The following VNN1 variants were observed in gnomAD, a reference collection of about 807,000 sequenced individuals.
VNN1 encodes the protein pantetheinase.
In VNN1, 29 loss-of-function variants were observed where a neutral mutation model predicts 41.9. The ratio of observed to expected loss-of-function variants is 0.69; its 90% CI spans 0.52 to 0.94. The LOEUF (loss-of-function observed/expected upper bound fraction) is 0.94, where lower values mean the gene tolerates loss of function less well. Among genes scored for constraint, VNN1 ranks in the 40% least tolerant of loss-of-function variants. The pLI is 0.00. For missense variants in VNN1, 637 were observed against 621.1 expected, an observed-to-expected ratio of 1.03 and a Z score of -0.27; for synonymous variants, 233 against 224.4, an observed-to-expected ratio of 1.04 and a Z score of -0.34.
At chr6:132,687,567 CT>C (rs1264188793) in intron 5 of VNN1, among the ~76,000 whole-genome samples, 1 of 152,176 alleles carries the variant, frequency 6.6e-6, no homozygotes, top group East Asian at 1.9e-4. Flanking sequence ...ACAGCGTTGA[CT>C]ACAACAGAAC....
chr6:132,686,194 C>T (rs1229972757), intron 5 of VNN1, among the ~76,000 whole-genome samples: 1 of 152,206 alleles, frequency 6.6e-6, no homozygotes, highest in African/African-American at 2.4e-5. Context: ...CACCTGTAAT[C>T]CCAGCACTTT....
chr6:132,713,934 C>T lies in VNN1; in HGVS notation c.102G>A (p.Ala34=), dbSNP rs369776512. The T allele has an allele frequency of 8.1e-6, 13 of 1,614,148 alleles. No homozygotes were observed. Among genetic ancestry groups the T allele is most frequent in the Middle Eastern group, 1.7e-4 (1 of 6,034 alleles). ...TFTAAVYEHA[A]ILPNATLTPV... ...GTGTTAGGGTGGCATTGGGCAATAT[C>T]GCTGCATGCTCATAAACAGCTGCAG... The change falls in exon 1 of 7, where the codon GCG becomes GCA. Residue 34 remains alanine (A), a synonymous_variant. Transcript: ENST00000367928.
At position 132,681,638 on chromosome 6, in the gene VNN1, T is replaced by C. The variant is rs1407987851; in HGVS notation, c.*1502A>G. ...CAAGCCTATCACCAACACATCAATATGTTTTCTGTTTTACATTGAAATTAT... is the reference window on the plus strand; with the variant it reads ...CAAGCCTATCACCAACACATCAATACGTTTTCTGTTTTACATTGAAATTAT... On this transcript the variant is annotated 3_prime_UTR_variant, in exon 7 of 7. Coordinates refer to ENST00000367928, the MANE Select transcript of VNN1 (RefSeq NM_004666.3). 1 of 152,588 alleles carries C rather than the reference T, an allele frequency of 6.6e-6. No homozygotes were observed. Among genetic ancestry groups the C allele is most frequent in the East Asian group, 1.9e-4 (1 of 5,202 alleles). The allele number at this position is 152,588 out of a possible 1,614,324, so 9.5% of individuals were successfully genotyped here.
At chr6:132,705,097 A>C (rs1373953237) in intron 2 of VNN1, among the ~76,000 whole-genome samples, 4 of 152,114 alleles carry the variant, frequency 2.6e-5, no homozygotes, top group Non-Finnish European at 5.9e-5. Context: ...AATTTTACCA[A>C]ACAATTAAAG....
At chr6:132,695,512 C>G (rs574838535) in intron 2 of VNN1, among the ~76,000 whole-genome samples, 2 of 152,260 alleles carry the variant, frequency 1.3e-5, no homozygotes, top group Admixed American at 1.3e-4. Flanking sequence ...GCATTCTGAT[C>G]ACTAATTGTT....
intron 6 of VNN1, 98 bp downstream of exon 6, chr6:132,684,237 G>A (rs768476702): frequency 1.8e-4 from 234 of 1,275,054 alleles, no homozygotes; most frequent in Non-Finnish European, 2.4e-4. Flanking sequence ...CTTTCTAAAT[G>A]GAAATTTTAT....
chr6:132,693,628 G>T (rs957896190), intron 3 of VNN1, among the ~76,000 whole-genome samples: 1 of 152,168 alleles, frequency 6.6e-6, no homozygotes, highest in Non-Finnish European at 1.5e-5. Flanking sequence ...AAGGAACTTT[G>T]TTTGTTCCAT....
intron 3 of VNN1, among the ~76,000 whole-genome samples, 153 bp from the exon 4 acceptor site, chr6:132,693,468 G>A (rs1023114905): frequency 2.6e-5 from 4 of 152,162 alleles, no homozygotes; most frequent in African/African-American, 9.7e-5. Flanking sequence ...GAGAATCAGA[G>A]GCCATTCTAG....
intron 6 of VNN1, among the ~76,000 whole-genome samples, chr6:132,683,804 A>C (rs1778165454): frequency 6.6e-6 from 1 of 152,234 alleles, no homozygotes; most frequent in Admixed American, 6.5e-5. Context: ...ACTTGCAGGA[A>C]GTCAGCGAAA....
chr6:132,690,231 C>T (rs1346733809), intron 5 of VNN1, among the ~76,000 whole-genome samples: 1 of 152,152 alleles, frequency 6.6e-6, no homozygotes, highest in Non-Finnish European at 1.5e-5. Flanking sequence ...CTTCCACCAG[C>T]TGACCATCAC....
At chr6:132,710,746 C>T (rs1283928865) in intron 2 of VNN1, among the ~76,000 whole-genome samples, 1 of 152,136 alleles carries the variant, frequency 6.6e-6, no homozygotes, top group Admixed American at 6.5e-5. Context: ...TATATATGTG[C>T]CACATTTTCT....
intron 6 of VNN1, among the ~76,000 whole-genome samples, chr6:132,683,651 A>G (rs922139445): frequency 6.6e-6 from 1 of 152,176 alleles, no homozygotes; most frequent in Non-Finnish European, 1.5e-5. Flanking sequence ...ACTCCCCACA[A>G]TGGCCCGAAG....
At chr6:132,696,391 A>T (rs1778372221) in intron 2 of VNN1, among the ~76,000 whole-genome samples, 1 of 152,226 alleles carries the variant, frequency 6.6e-6, no homozygotes, top group Non-Finnish European at 1.5e-5. Context: ...AAGAGAGATT[A>T]TTTGAAGAAA....
At chr6:132,704,017 A>C (rs1450574790) in intron 2 of VNN1, among the ~76,000 whole-genome samples, 1 of 152,164 alleles carries the variant, frequency 6.6e-6, no homozygotes, top group East Asian at 1.9e-4. Flanking sequence ...ATAACAATTG[A>C]GCACACAAGT....
chr6:132,704,356 A>G (rs1778489667), intron 2 of VNN1, among the ~76,000 whole-genome samples: 1 of 152,172 alleles, frequency 6.6e-6, no homozygotes, highest in African/African-American at 2.4e-5. Context: ...GATCATATCA[A>G]GTATCTTCTC....
At chr6:132,688,119 A>C in intron 5 of VNN1, among the ~76,000 whole-genome samples, 1 of 152,210 alleles carries the variant, frequency 6.6e-6, no homozygotes, top group East Asian at 1.9e-4. Context: ...ATATAATATT[A>C]TACCAAAATT....
intron 2 of VNN1, among the ~76,000 whole-genome samples, chr6:132,696,929 C>T (rs1353569880): frequency 6.6e-6 from 1 of 151,888 alleles, no homozygotes; most frequent in Non-Finnish European, 1.5e-5. Flanking sequence ...CACGGTGAAA[C>T]CCCGTCTCCA....
chr6:132,700,890 C>A (rs1246724685), intron 2 of VNN1, among the ~76,000 whole-genome samples: 2 of 152,126 alleles, frequency 1.3e-5, no homozygotes, highest in Non-Finnish European at 2.9e-5. Flanking sequence ...TCTCTGAAGC[C>A]TTTCTCCATA....
chr6:132,713,302 T>C (rs1336561218), intron 1 of VNN1, among the ~76,000 whole-genome samples: 1 of 152,248 alleles, frequency 6.6e-6, no homozygotes, highest in East Asian at 1.9e-4. Context: ...AACTGAAACC[T>C]TCACTAAACT....
Sources: allele counts gnomAD v4.1 joint callset (sites outside exome capture counted in the v4.1 genomes callset), GRCh38; gene constraint gnomAD v4.1.1; transcripts MANE v1.5; gene names NCBI Gene and HGNC (gene_info 2026-07-23, HGNC 2026-07-21).